The following TMCO5A variants were observed in gnomAD, a reference collection of about 807,000 sequenced individuals.
The protein encoded by TMCO5A is transmembrane and coiled-coil domain-containing protein 5A.
Under a neutral mutation model 42.3 loss-of-function variants are expected in TMCO5A, and 34 were observed. The observed-to-expected ratio is 0.80, with a 90% confidence interval of 0.61 to 1.07. The LOEUF is 1.07. Ranked by LOEUF, TMCO5A falls within the 50% of genes least tolerant of loss-of-function variation. The pLI, the probability that TMCO5A is intolerant of heterozygous loss-of-function variation, is 0.00. For synonymous variants in TMCO5A, 131 were observed against 115.6 expected, an observed-to-expected ratio of 1.13 and a Z score of -0.86; for missense variants, 357 against 327.9, an observed-to-expected ratio of 1.09 and a Z score of -0.69.
At chr15:37,974,383 T>C in the TMCO5A span, among the ~76,000 whole-genome samples, 1 of 152,180 alleles carries the variant, frequency 6.6e-6, no homozygotes, top group African/African-American at 2.4e-5. Flanking sequence ...CTTCATCTGA[T>C]CCTGGGCTTT....
chr15:37,941,597 A>G, intron 7 of TMCO5A, 74 bp from the exon 8 acceptor site: 1 of 1,117,912 alleles, frequency 8.9e-7, no homozygotes. Context: ...CTGGGACCCA[A>G]GAGAAAACAA....
the TMCO5A span, among the ~76,000 whole-genome samples, chr15:38,025,790 G>C: frequency 6.6e-6 from 1 of 152,106 alleles, no homozygotes; most frequent in African/African-American, 2.4e-5. Flanking sequence ...TCCACATGTT[G>C]TGGGAGGGAC....
chr15:38,016,541 C>T, the TMCO5A span, among the ~76,000 whole-genome samples: 3 of 152,160 alleles, frequency 2.0e-5, no homozygotes, highest in Admixed American at 2.0e-4. Flanking sequence ...TCAATCTCTG[C>T]TCAAACACCA....
the TMCO5A span, among the ~76,000 whole-genome samples, chr15:38,033,584 G>GTTGGT: frequency 1.3e-5 from 2 of 150,056 alleles, no homozygotes; most frequent in Non-Finnish European, 3.0e-5. Context: ...GTTTTTCTTT[G>GTTGGT]TTGGTTTGGT....
At chr15:38,014,765 T>C in the TMCO5A span, among the ~76,000 whole-genome samples, 1 of 149,612 alleles carries the variant, frequency 6.7e-6, no homozygotes, top group East Asian at 2.0e-4. Context: ...GAATGCATAA[T>C]TAATTCTAAG....
the TMCO5A span, among the ~76,000 whole-genome samples, chr15:38,010,383 CAAAAA>C: frequency 8.1e-3 from 327 of 40,296 alleles, no homozygotes; most frequent in Non-Finnish European, 0.012. Context: ...ACTCCGTCTC[CAAAAA>C]AAAAAAAAAA....
At chr15:37,966,818 A>G in exon 12 of TMCO5A, 1 of 644,138 alleles carries the variant, frequency 1.6e-6, no homozygotes, top group Non-Finnish European at 2.8e-6. Flanking sequence ...GGGATGGAGT[A>G]CTCTGATTGG....
At chr15:37,985,411 T>A in the TMCO5A span, among the ~76,000 whole-genome samples, 1 of 152,220 alleles carries the variant, frequency 6.6e-6, no homozygotes, top group African/African-American at 2.4e-5. Flanking sequence ...TAAAATTGTA[T>A]AATTTTTTGC....
the TMCO5A span, among the ~76,000 whole-genome samples, chr15:38,039,300 G>T: frequency 2.0e-5 from 3 of 152,154 alleles, no homozygotes; most frequent in Non-Finnish European, 1.5e-5. Flanking sequence ...CTAAAGAAGT[G>T]TAAGAGAAAA....
intron 11 of TMCO5A, among the ~76,000 whole-genome samples, chr15:37,948,911 G>T (rs1381231077): frequency 6.6e-6 from 1 of 152,020 alleles, no homozygotes; most frequent in African/African-American, 2.4e-5. Context: ...TTTGACCAAG[G>T]TGTTGTACTG....
At chr15:38,026,274 G>T in the TMCO5A span, among the ~76,000 whole-genome samples, 1 of 152,108 alleles carries the variant, frequency 6.6e-6, no homozygotes, top group Non-Finnish European at 1.5e-5. Context: ...TGGACAATAA[G>T]GTCCAGGCTG....
At chr15:38,017,302 G>C in the TMCO5A span, among the ~76,000 whole-genome samples, 5 of 152,234 alleles carry the variant, frequency 3.3e-5, no homozygotes, top group South Asian at 4.1e-4. Flanking sequence ...GGAGTGCATA[G>C]TTTGGTTTCC....
downstream of TMCO5A, among the ~76,000 whole-genome samples, chr15:37,956,309 T>C (rs1890289294): frequency 6.6e-6 from 1 of 151,772 alleles, no homozygotes; most frequent in Non-Finnish European, 1.5e-5. Flanking sequence ...ATCCAGGAGG[T>C]GGTTTTTTGA....
chr15:38,007,790 G>C, the TMCO5A span, among the ~76,000 whole-genome samples: 3 of 151,218 alleles, frequency 2.0e-5, no homozygotes, highest in Non-Finnish European at 4.4e-5. Context: ...TTTAACAGAG[G>C]GTGGGGAGGC....
At chr15:37,947,830 G>T in intron 11 of TMCO5A, 134 bp downstream of exon 11, 1 of 553,982 alleles carries the variant, frequency 1.8e-6, no homozygotes, top group Non-Finnish European at 3.2e-6. Context: ...ACACAAGTCA[G>T]CAAACTAATG....
At chr15:37,951,866 A>C (rs988184911), downstream of TMCO5A, among the ~76,000 whole-genome samples, 1 of 152,092 alleles carries the variant, frequency 6.6e-6, no homozygotes, top group Non-Finnish European at 1.5e-5. Flanking sequence ...AGATAGGAAA[A>C]ACAGTCTGGA....
chr15:38,002,773 A>G, the TMCO5A span, among the ~76,000 whole-genome samples: 7 of 151,832 alleles, frequency 4.6e-5, no homozygotes, highest in African/African-American at 1.7e-4. Flanking sequence ...GTTATCTCAA[A>G]TTTTGTTGAG....
intron 11 of TMCO5A, 69 bp from the exon 12 acceptor site, chr15:37,950,967 G>A (rs1478644343): frequency 7.3e-7 from 1 of 1,372,464 alleles, no homozygotes; most frequent in Non-Finnish European, 1.0e-6. Flanking sequence ...ATGCATTCAG[G>A]TATGATTTAT....
chr15:37,942,226 A>T lies in TMCO5A; in HGVS notation c.540A>T (p.Glu180Asp). ...YQETLKKIEE[E>D]LEALFLEREV... is the part of the protein sequence containing the mutation. ...AAACGTTGAAGAAAATAGAAGAAGA[A>T]CTAGAGGCTCTGTTCCTTGAGAGAG... is the stretch of plus-strand genomic sequence containing the variant. Residue 180 changes from glutamate to aspartate, a missense_variant, in exon 9 of 12, where the codon GAA becomes GAT. Glu to Asp is a conservative substitution (Grantham distance 45). Coordinates refer to ENST00000319669, the MANE Select transcript of TMCO5A (RefSeq NM_152453.4). 6.2e-7 allele frequency: 1 copy of T among 1,612,970 alleles called. No individual in the cohort carries two copies. The highest frequency in any genetic ancestry group is 8.5e-7 in the Non-Finnish European group (1 of 1,179,288).
Sources: gnomAD v4.1 joint callset for allele counts (sites outside exome capture counted in the v4.1 genomes callset) on GRCh38, gnomAD v4.1.1 for gene constraint, MANE v1.5 for transcripts, NCBI Gene and HGNC (gene_info 2026-07-23, HGNC 2026-07-21) for gene names.